The following PPA2 variants were observed in gnomAD, a reference collection of about 807,000 sequenced individuals.
PPA2 encodes inorganic pyrophosphatase 2, mitochondrial.
PPA2 carries 48 observed loss-of-function variants against 49.5 expected under a neutral mutation model. That is an observed-to-expected ratio of 0.97 (90% CI 0.77 to 1.23). The LOEUF is 1.23. Among genes scored for constraint, PPA2 ranks in the 50% most tolerant of loss-of-function variants. The pLI, the probability that PPA2 is intolerant of heterozygous loss-of-function variation, is 0.00. For missense variants in PPA2, 429 were observed against 410.1 expected (o/e 1.05, Z -0.40); for synonymous variants, 131 against 139.9 (o/e 0.94, Z 0.45).
At chr4:105,418,742 A>G (rs1723119791) in intron 7 of PPA2, among the ~76,000 whole-genome samples, 1 of 152,238 alleles carries the variant, frequency 6.6e-6, no homozygotes, top group South Asian at 2.1e-4. Context: ...GCCAAACAAA[A>G]GAAATCTTCA....
intron 7 of PPA2, among the ~76,000 whole-genome samples, chr4:105,422,260 A>G (rs1457942668): frequency 6.6e-6 from 1 of 152,214 alleles, no homozygotes; most frequent in Non-Finnish European, 1.5e-5. Context: ...TTTTAATACA[A>G]TGATAAATGT....
In PPA2 at chr4:105,406,650, T is replaced by C. The variant is rs1402839143; in HGVS notation, c.656-7486A>G. On this transcript the variant is annotated intron_variant, in intron 7 of 11. Coordinates refer to ENST00000341695, the MANE Select transcript of PPA2 (RefSeq NM_176869.3). ...CCACCACCTGCTCCCCCAAAATCCA[T>C]GCATATGAAAGTCTCACAGTAGCCC... is the stretch of plus-strand genomic sequence containing the variant. 2.6e-5 allele frequency among the ~76,000 whole-genome samples: 4 copies of C among 152,184 alleles called. No homozygotes were observed. In the East Asian group the frequency reaches 7.7e-4, roughly 29 times the overall value.
intron 5 of PPA2, among the ~76,000 whole-genome samples, chr4:105,442,815 TAC>T (rs1482555438): frequency 6.6e-6 from 1 of 152,232 alleles, no homozygotes; most frequent in Non-Finnish European, 1.5e-5. Context: ...TTCTTCTAAG[TAC>T]ACAGTTGGCT....
chr4:105,399,474 C>A, intron 7 of PPA2: 1 of 193,974 alleles, frequency 5.2e-6, no homozygotes, highest in Non-Finnish European at 1.0e-5. Context: ...CAGTTTTTAA[C>A]TCAGGGAAAG....
At chr4:105,444,159 T>A (rs905892885) in intron 5 of PPA2, among the ~76,000 whole-genome samples, 1 of 152,146 alleles carries the variant, frequency 6.6e-6, no homozygotes, top group Admixed American at 6.5e-5. Context: ...TTAATAAATA[T>A]GTACTGAATG....
At chr4:105,385,094 T>C (rs1733627940) in intron 10 of PPA2, among the ~76,000 whole-genome samples, 2 of 152,130 alleles carry the variant, frequency 1.3e-5, no homozygotes, top group African/African-American at 4.8e-5. Flanking sequence ...GACCTTACCT[T>C]CTACAATTCT....
intron 7 of PPA2, among the ~76,000 whole-genome samples, chr4:105,422,461 T>C (rs1723293477): frequency 6.6e-6 from 1 of 151,914 alleles, no homozygotes; most frequent in Non-Finnish European, 1.5e-5. Context: ...ATAAAATGAA[T>C]AGAGTTAAAA....
In PPA2 at chr4:105,396,354, T is replaced by TA; in HGVS notation, c.784-21dup. ...AAAAGCCTAGCTCCAAACAAACAAA[T>TA]AAAAAAAGACGTATTTAATATCAGT... is the stretch of plus-strand genomic sequence containing the variant. On this transcript the variant is annotated intron_variant, in intron 8 of 11. Transcript: ENST00000341695. The TA allele has an allele frequency of 1.5e-6, 2 of 1,297,254 alleles. No homozygotes were observed. Among genetic ancestry groups the TA allele is most frequent in the Non-Finnish European group, 2.2e-6 (2 of 928,850 alleles). The allele number at this position is 1,297,254 out of a possible 1,614,324, so 80.4% of individuals were successfully genotyped here.
intron 5 of PPA2, among the ~76,000 whole-genome samples, chr4:105,444,358 A>G (rs1194225050): frequency 6.6e-6 from 1 of 152,228 alleles, no homozygotes; most frequent in Admixed American, 6.5e-5. Context: ...CTTTTAAGCA[A>G]CAGGAGACCA....
At position 105,402,163 on chromosome 4, in the gene PPA2, T is replaced by A. The variant is rs143712791; in HGVS notation, c.656-2999A>T. Among the ~76,000 whole-genome samples the A allele has an allele frequency of 3.1e-4, 47 of 152,206 alleles. 2 individuals are homozygous for A. The highest frequency in any genetic ancestry group is 1.1e-3 in the African/African-American group (47 of 41,538). On this transcript the variant is annotated intron_variant, in intron 7 of 11. Coordinates refer to ENST00000341695, the MANE Select transcript of PPA2 (RefSeq NM_176869.3). The stretch of plus-strand genomic sequence containing the variant: ...ATGGCATGCCCCTAATCCCAGCTAC[T>A]TGGGAAGCTGAGGTGGGAGGATTGC...
At chr4:105,407,060 G>A (rs1331751424) in intron 7 of PPA2, 2 of 149,638 alleles carry the variant, frequency 1.3e-5, no homozygotes, top group African/African-American at 4.9e-5. Flanking sequence ...GCGCAAGGAT[G>A]ACATGCAAAT....
chr4:105,458,881 C>CCAATATTTTAT (rs1350480664), intron 1 of PPA2, among the ~76,000 whole-genome samples: 1 of 149,110 alleles, frequency 6.7e-6, no homozygotes, highest in African/African-American at 2.5e-5. Context: ...TTAATTCCCA[C>CCAATATTTTAT]CAATATTTTA....
chr4:105,433,405 C>T (rs1723905197), intron 6 of PPA2, among the ~76,000 whole-genome samples: 2 of 152,164 alleles, frequency 1.3e-5, no homozygotes, highest in African/African-American at 4.8e-5. Context: ...AACTAAGCTG[C>T]TTCCACTCCA....
intron 1 of PPA2, among the ~76,000 whole-genome samples, chr4:105,457,081 C>G (rs1722903771): frequency 6.6e-6 from 1 of 151,886 alleles, no homozygotes; most frequent in Admixed American, 6.6e-5. Flanking sequence ...AAACTCATTA[C>G]TAAGTGAATT....
chr4:105,439,305 A>C (rs986834444), intron 5 of PPA2, among the ~76,000 whole-genome samples: 4 of 152,186 alleles, frequency 2.6e-5, no homozygotes, highest in Non-Finnish European at 5.9e-5. Context: ...TCATGCTACT[A>C]ATCATTTTTT....
chr4:105,375,083 C>T lies in PPA2; in HGVS notation c.940-4210G>A, dbSNP rs189222418. ...TTCACACAATCCTTTTCTGATTTTT[C>T]GCTTTAGAATCAACAATATAGGTTC... is the stretch of plus-strand genomic sequence containing the variant. On this transcript the variant is annotated intron_variant, in intron 10 of 11. Transcript: ENST00000341695. 2.8e-3 allele frequency among the ~76,000 whole-genome samples: 428 copies of T among 151,904 alleles called. 2 individuals are homozygous for T. Among genetic ancestry groups the T allele is most frequent in the African/African-American group, 9.9e-3 (409 of 41,482 alleles).
At chr4:105,382,145 T>A (rs989710910) in intron 10 of PPA2, among the ~76,000 whole-genome samples, 1 of 152,030 alleles carries the variant, frequency 6.6e-6, no homozygotes, top group Non-Finnish European at 1.5e-5. Flanking sequence ...TTTATATTTT[T>A]TGAGGCCTAA....
chr4:105,395,936 T>C (rs1247842727), intron 9 of PPA2, among the ~76,000 whole-genome samples: 1 of 152,128 alleles, frequency 6.6e-6, no homozygotes, highest in Non-Finnish European at 1.5e-5. Flanking sequence ...AATTATATGG[T>C]AGTTATTAGA....
At chr4:105,392,791 T>C (rs1374686012) in intron 9 of PPA2, among the ~76,000 whole-genome samples, 2 of 152,208 alleles carry the variant, frequency 1.3e-5, no homozygotes, top group African/African-American at 4.8e-5. Flanking sequence ...GAATAAGGCA[T>C]CTTTATTCAT....
Sources: allele counts gnomAD v4.1 joint callset (sites outside exome capture counted in the v4.1 genomes callset), GRCh38; gene constraint gnomAD v4.1.1; transcripts MANE v1.5; gene names NCBI Gene and HGNC (gene_info 2026-07-23, HGNC 2026-07-21).